C8orf34: variants seen among roughly 807,000 people sequenced by gnomAD.
C8orf34 encodes chromosome 8 open reading frame 34, also known as uncharacterized protein C8orf34.
C8orf34 carries 65 observed loss-of-function variants against 68.3 expected under a neutral mutation model. That is an observed-to-expected ratio of 0.95 (90% CI 0.78 to 1.17). C8orf34 has a LOEUF of 1.17. Among genes scored for constraint, C8orf34 ranks in the 50% most tolerant of loss-of-function variants. The probability of loss-of-function intolerance (pLI) is 0.00; values close to 1 mark genes in which losing one functional copy is unlikely to be tolerated. For synonymous variants in C8orf34, 244 were observed against 241.2 expected (o/e 1.01, Z -0.11); for missense variants, 664 against 655.4 (o/e 1.01, Z -0.14).
At chr8:68,477,085 A>G (rs759760447) in intron 4 of C8orf34, among the ~76,000 whole-genome samples, 5 of 152,156 alleles carry the variant, frequency 3.3e-5, no homozygotes, top group Non-Finnish European at 7.4e-5. Context: ...CTCCTAGGTA[A>G]CCTTTGTTTC....
Position 68,721,454 on chromosome 8 carries a change from A to C in C8orf34, c.1404+17A>C, listed in dbSNP as rs775240834. The C allele has an allele frequency of 1.3e-6, 2 of 1,551,634 alleles. No individual in the cohort carries two copies. The highest frequency in any genetic ancestry group is 1.8e-6 in the Non-Finnish European group (2 of 1,131,040). On this transcript the variant is annotated intron_variant, in intron 10 of 13. Transcript: ENST00000518698. ...ACAGGACCTGTAAGTATATTCATTG[A>C]CTTATTTTTTTTAATTGCTAAAACT...
chr8:68,733,271 T>A (rs555217472), intron 10 of C8orf34, among the ~76,000 whole-genome samples: 118 of 152,298 alleles, frequency 7.7e-4, no homozygotes, highest in Non-Finnish European at 1.5e-3. Context: ...AACTTATACA[T>A]GAGAAAACTA....
At chr8:68,645,348 A>T (rs1449137343) in intron 8 of C8orf34, among the ~76,000 whole-genome samples, 6 of 152,312 alleles carry the variant, frequency 3.9e-5, no homozygotes, top group Middle Eastern at 6.8e-3. Flanking sequence ...ATACTTGAGC[A>T]TTTTAAAATG....
intron 12 of C8orf34, among the ~76,000 whole-genome samples, chr8:68,798,804 G>A (rs1488544551): frequency 6.6e-6 from 1 of 152,090 alleles, no homozygotes; most frequent in African/African-American, 2.4e-5. Flanking sequence ...GTGATATTAT[G>A]AAAGGTCCAA....
intron 10 of C8orf34, among the ~76,000 whole-genome samples, chr8:68,725,010 G>C (rs1821786982): frequency 6.6e-6 from 1 of 151,804 alleles, no homozygotes; most frequent in South Asian, 2.1e-4. Flanking sequence ...TGGGACTACA[G>C]GTGTGCACCA....
At chr8:68,784,069 C>A (rs1423373685) in intron 11 of C8orf34, among the ~76,000 whole-genome samples, 1 of 152,106 alleles carries the variant, frequency 6.6e-6, no homozygotes, top group Non-Finnish European at 1.5e-5. Context: ...GTACTGTGTG[C>A]AGCTTTCCAC....
intron 7 of C8orf34, among the ~76,000 whole-genome samples, chr8:68,612,317 C>G (rs796241010): frequency 3.7e-4 from 56 of 152,160 alleles, no homozygotes; most frequent in African/African-American, 1.2e-3. Flanking sequence ...TGTTTATGGG[C>G]AAGCTGAGAC....
intron 1 of C8orf34, among the ~76,000 whole-genome samples, chr8:68,339,816 G>C (rs903781883): frequency 6.6e-6 from 1 of 151,844 alleles, no homozygotes; most frequent in Non-Finnish European, 1.5e-5. Context: ...TTAAACATTT[G>C]TTCTTCAAAA....
In C8orf34 at chr8:68,798,936, A is replaced by G. The variant is rs1287650959; in HGVS notation, c.1549+11400A>G. Among the ~76,000 whole-genome samples the G allele has an allele frequency of 2.6e-5, 4 of 152,364 alleles. No homozygotes were observed. The South Asian group carries it at 6.2e-4, about 24-fold the overall frequency. On this transcript the variant is annotated intron_variant, in intron 12 of 13. Transcript: ENST00000518698. ...AAAATGTGTCAAGTTGCTCAACAAT[A>G]TATAAGGTTACATGCTTCAGACTAC...
chr8:68,755,570 C>T (rs1252224307), intron 10 of C8orf34, among the ~76,000 whole-genome samples: 1 of 152,080 alleles, frequency 6.6e-6, no homozygotes, highest in Non-Finnish European at 1.5e-5. Flanking sequence ...GATTACACAG[C>T]CAGGGAAGAG....
chr8:68,485,152 G>A (rs1016459943), intron 4 of C8orf34, among the ~76,000 whole-genome samples: 1 of 152,112 alleles, frequency 6.6e-6, no homozygotes, highest in African/African-American at 2.4e-5. Context: ...CAGCTCATAT[G>A]TTTGCTAAAA....
chr8:68,680,984 C>T (rs1483001093), intron 8 of C8orf34, among the ~76,000 whole-genome samples: 13 of 152,066 alleles, frequency 8.5e-5, no homozygotes, highest in African/African-American at 3.1e-4. Context: ...TATTAATATT[C>T]CTTGCTAGGA....
At chr8:68,470,469 A>G (rs1397074680) in intron 4 of C8orf34, among the ~76,000 whole-genome samples, 1 of 152,018 alleles carries the variant, frequency 6.6e-6, no homozygotes, top group East Asian at 1.9e-4. Context: ...TAATATAGGG[A>G]TTTGACTGCA....
chr8:68,559,354 A>G (rs1409641042), intron 7 of C8orf34, among the ~76,000 whole-genome samples: 2 of 152,212 alleles, frequency 1.3e-5, no homozygotes, highest in Admixed American at 1.3e-4. Flanking sequence ...AAACGACTTT[A>G]TATTAGTATA....
At chr8:68,450,699 T>C (rs545707121) in intron 3 of C8orf34, among the ~76,000 whole-genome samples, 15 of 152,244 alleles carry the variant, frequency 9.9e-5, no homozygotes, top group African/African-American at 3.1e-4. Context: ...AAGATCGGGC[T>C]TAAAATGATC....
chr8:68,587,043 T>C (rs992516889), intron 7 of C8orf34, among the ~76,000 whole-genome samples: 7 of 152,110 alleles, frequency 4.6e-5, no homozygotes, highest in Non-Finnish European at 1.0e-4. Context: ...TTAGGGGCTT[T>C]AAATGAATCC....
chr8:68,688,950 A>G (rs904178481), intron 8 of C8orf34, among the ~76,000 whole-genome samples: 1 of 152,126 alleles, frequency 6.6e-6, no homozygotes, highest in African/African-American at 2.4e-5. Flanking sequence ...TATGTAATGA[A>G]CCTGCAAGTT....
chr8:68,339,492 A>G (rs180918763), intron 1 of C8orf34, among the ~76,000 whole-genome samples: 1 of 152,058 alleles, frequency 6.6e-6, no homozygotes, highest in East Asian at 1.9e-4. Flanking sequence ...AAACTCTTAA[A>G]AAAAAGTTAA....
At chr8:68,740,651 A>G (rs1822262379) in intron 10 of C8orf34, among the ~76,000 whole-genome samples, 1 of 152,218 alleles carries the variant, frequency 6.6e-6, no homozygotes, top group Non-Finnish European at 1.5e-5. Context: ...AGTGTAAATT[A>G]GTTCAACTAC....
Sources: gnomAD v4.1 joint callset for allele counts (sites outside exome capture counted in the v4.1 genomes callset) on GRCh38, gnomAD v4.1.1 for gene constraint, MANE v1.5 for transcripts, NCBI Gene and HGNC (gene_info 2026-07-23, HGNC 2026-07-21) for gene names.